MERTK: variants seen among roughly 807,000 people sequenced by gnomAD.
MERTK encodes the protein tyrosine-protein kinase Mer.
MERTK carries 69 observed loss-of-function variants against 99.3 expected under a neutral mutation model. The observed-to-expected ratio is 0.70, with a 90% CI of 0.57 to 0.85. The LOEUF (loss-of-function observed/expected upper bound fraction) is 0.85. MERTK is among the 40% of genes least tolerant of loss of function. The pLI is 0.00. For synonymous variants in MERTK, 426 were observed against 467.6 expected (o/e 0.91, Z 1.15); for missense variants, 1,125 against 1,249.4 (o/e 0.90, Z 1.50).
At chr2:111,998,198 A>T (rs1317498837) in intron 10 of MERTK, among the ~76,000 whole-genome samples, 3 of 152,212 alleles carry the variant, frequency 2.0e-5, no homozygotes, top group Non-Finnish European at 4.4e-5. Context: ...CAGTTACTTT[A>T]GTCTTTATAA....
chr2:111,955,854 A>G (rs1180072793), intron 4 of MERTK, among the ~76,000 whole-genome samples: 4 of 151,770 alleles, frequency 2.6e-5, no homozygotes, highest in Admixed American at 2.6e-4. Context: ...ATGGTGTTCA[A>G]TGGTGGAGTG....
At chr2:112,001,921 CT>C (rs1239166998) in intron 11 of MERTK, among the ~76,000 whole-genome samples, 1 of 151,862 alleles carries the variant, frequency 6.6e-6, no homozygotes, top group Non-Finnish European at 1.5e-5. Context: ...ATTTCTTTAC[CT>C]TTCTAGTCTG....
chr2:111,899,128 C>T (rs925139328), intron 1 of MERTK, among the ~76,000 whole-genome samples: 2 of 152,202 alleles, frequency 1.3e-5, no homozygotes, highest in African/African-American at 2.4e-5. Context: ...GAAGTTCCGA[C>T]GAGTGGAACG....
chr2:111,939,654 A>ATTTTTTTTTT (rs1184269274), intron 2 of MERTK, among the ~76,000 whole-genome samples: 10 of 88,246 alleles, frequency 1.1e-4, no homozygotes, highest in Non-Finnish European at 1.8e-4. Flanking sequence ...CTAATTTTTA[A>ATTTTTTTTTT]TTTTTTTTTT....
chr2:111,930,864 T>C (rs1292228493), intron 2 of MERTK, among the ~76,000 whole-genome samples: 1 of 152,054 alleles, frequency 6.6e-6, no homozygotes, highest in Non-Finnish European at 1.5e-5. Context: ...AGCCAGGAGG[T>C]GTTTTGCTTT....
At chr2:112,012,686 G>T in intron 15 of MERTK, among the ~76,000 whole-genome samples, 1 of 152,140 alleles carries the variant, frequency 6.6e-6, no homozygotes, top group East Asian at 1.9e-4. Context: ...AGAGAGAAGC[G>T]GAACCTCAGA....
chr2:112,028,825 T>A lies in MERTK; in HGVS notation c.2961T>A (p.Phe987Leu), dbSNP rs747945914. ...LGSSLPDELLFADDSSEGSEV... is the reference protein window; with the variant it reads ...LGSSLPDELLLADDSSEGSEV... ...GCTCATTGCCCGATGAACTTTTGTTTGCTGACGACTCCTCAGAAGGCTCAG... is the reference window on the plus strand; with the variant it reads ...GCTCATTGCCCGATGAACTTTTGTTAGCTGACGACTCCTCAGAAGGCTCAG... Residue 987 changes from phenylalanine (F) to leucine (L), a missense_variant, in exon 19 of 19, where the codon TTT becomes TTA. Coordinates refer to ENST00000295408, the MANE Select transcript of MERTK (RefSeq NM_006343.3). 7 of 1,614,050 alleles carry A rather than the reference T, an allele frequency of 4.3e-6. No individual in the cohort carries two copies. Among genetic ancestry groups the A allele is most frequent in the Non-Finnish European group, 5.9e-6 (7 of 1,180,030 alleles).
chr2:111,972,577 A>G (rs1449813293), intron 6 of MERTK, among the ~76,000 whole-genome samples: 1 of 152,152 alleles, frequency 6.6e-6, no homozygotes, highest in South Asian at 2.1e-4. Context: ...GCCAAAGTCC[A>G]GTGTTTTCTT....
chr2:111,944,509 A>C (rs1684924022), intron 2 of MERTK, among the ~76,000 whole-genome samples: 1 of 152,310 alleles, frequency 6.6e-6, no homozygotes. Flanking sequence ...ATTCCTTAAA[A>C]TAATTCCTCT....
At chr2:112,006,876 A>G (rs1377692046) in intron 13 of MERTK, among the ~76,000 whole-genome samples, 1 of 151,310 alleles carries the variant, frequency 6.6e-6, no homozygotes, top group Non-Finnish European at 1.5e-5. Flanking sequence ...AAATTTTTCT[A>G]AATTTCCTTC....
At chr2:111,935,808 ATAAAT>A (rs1684755804) in intron 2 of MERTK, among the ~76,000 whole-genome samples, 1 of 152,166 alleles carries the variant, frequency 6.6e-6, no homozygotes, top group South Asian at 2.1e-4. Flanking sequence ...TTATATATAA[ATAAAT>A]TAAATGTTCT....
Position 112,027,605 on chromosome 2 carries a change from C to T in MERTK, c.2487-746C>T, listed in dbSNP as rs1201441126. On this transcript the variant is annotated intron_variant, in intron 18 of 18. Transcript: ENST00000295408. ...GAAGGAGTTGTGAGGAGCACTTGGACGCAGGAGTTGTCCAATCTGAATCTG... is the reference window on the plus strand; with the variant it reads ...GAAGGAGTTGTGAGGAGCACTTGGATGCAGGAGTTGTCCAATCTGAATCTG... Among the ~76,000 whole-genome samples, 7 of 152,022 alleles carry T rather than the reference C, an allele frequency of 4.6e-5. No individual in the cohort carries two copies. The East Asian group carries it at 7.7e-4, about 17-fold the overall frequency.
At chr2:111,968,040 G>C in intron 5 of MERTK, 97 bp from the exon 6 acceptor site, 2 of 874,202 alleles carry the variant, frequency 2.3e-6, no homozygotes, top group Non-Finnish European at 3.8e-6. Context: ...CTCAAGGAAC[G>C]AAAACAGGTA....
At chr2:111,915,917 G>A (rs1684342149) in intron 1 of MERTK, among the ~76,000 whole-genome samples, 1 of 152,014 alleles carries the variant, frequency 6.6e-6, no homozygotes, top group African/African-American at 2.4e-5. Context: ...AAATAAATAA[G>A]TTTAGTTTGC....
rs767470815 is a variant in MERTK, at chr2:111,968,166, A to G, written c.874A>G (p.Ile292Val). The G allele has an allele frequency of 6.2e-7, 1 of 1,614,050 alleles. No homozygotes were observed. The highest frequency in any genetic ancestry group is 8.5e-7 in the Non-Finnish European group (1 of 1,179,978). ...AIPSPPTEVSIRNSTAHSILI... is the reference protein window; with the variant it reads ...AIPSPPTEVSVRNSTAHSILI... Reference sequence around the variant, plus strand: ...TCCCTCCCCACCAACTGAAGTCAGCATCCGTAACAGCACTGCACACAGCAT... The same window carrying G: ...TCCCTCCCCACCAACTGAAGTCAGCGTCCGTAACAGCACTGCACACAGCAT... The change falls in exon 6 of 19, where the codon ATC becomes GTC. Residue 292 changes from isoleucine (I) to valine (V), a missense_variant. Physicochemically the swap from Ile to Val is conservative, Grantham distance 29. Transcript: ENST00000295408.
chr2:111,995,445 C>G (rs1288629302), intron 9 of MERTK: 1 of 188,434 alleles, frequency 5.3e-6, no homozygotes. Context: ...TTTTGCCAAA[C>G]ATGACCTTTG....
intron 16 of MERTK, among the ~76,000 whole-genome samples, chr2:112,021,186 T>G (rs942630816): frequency 2.0e-5 from 3 of 151,932 alleles, no homozygotes; most frequent in African/African-American, 7.3e-5. Context: ...GGTGACAGGG[T>G]GAGACTCTAT....
intron 1 of MERTK, 151 bp downstream of exon 1, chr2:111,898,947 G>A (rs1683983903): frequency 2.3e-6 from 2 of 863,554 alleles, no homozygotes; most frequent in East Asian, 2.8e-5. Context: ...CAGAGGAGGG[G>A]GCGTAGGCGA....
intron 15 of MERTK, among the ~76,000 whole-genome samples, chr2:112,018,696 A>G (rs1239264491): frequency 6.6e-6 from 1 of 152,194 alleles, no homozygotes; most frequent in Non-Finnish European, 1.5e-5. Context: ...TGGAAGTTTT[A>G]TCAGCAGTCA....
Sources: allele counts gnomAD v4.1 joint callset (sites outside exome capture counted in the v4.1 genomes callset), GRCh38; gene constraint gnomAD v4.1.1; transcripts MANE v1.5; gene names NCBI Gene and HGNC (gene_info 2026-07-23, HGNC 2026-07-21).